The following FRMD1 variants were observed in gnomAD, a reference collection of about 807,000 sequenced individuals.
The protein encoded by FRMD1 is FERM domain-containing protein 1.
A neutral mutation model predicts 54.9 loss-of-function variants in FRMD1; 51 were observed. The observed-to-expected ratio is 0.93, with a 90% CI of 0.74 to 1.17. The LOEUF is 1.17. FRMD1 is among the 50% of genes most tolerant of loss of function. FRMD1 has a pLI of 0.00. For missense variants in FRMD1, 729 were observed against 743.0 expected (o/e 0.98, Z 0.22); for synonymous variants, 324 against 306.4 (o/e 1.06, Z -0.60).
In FRMD1 at chr6:168,064,913, A is replaced by G; in HGVS notation, c.606T>C (p.His202=). Reference sequence around the variant, plus strand: ...AGTGTGGCTCGAAGTACCTCCCGGCATGGGCCGACTCCCGGTGCTCGCCCA... The same window carrying G: ...AGTGTGGCTCGAAGTACCTCCCGGCGTGGGCCGACTCCCGGTGCTCGCCCA... ...ADLGEHRESA[H]AGRYFEPHSY... The change falls in exon 5 of 11, where the codon CAT becomes CAC. Residue 202 remains histidine (H), a synonymous_variant. Transcript: ENST00000283309. The G allele has an allele frequency of 6.2e-7, 1 of 1,600,716 alleles. No homozygotes were observed. The highest frequency in any genetic ancestry group is 8.5e-7 in the Non-Finnish European group (1 of 1,174,294).
chr6:168,092,201 TC>T (rs1270660033), intron 1 of FRMD1, among the ~76,000 whole-genome samples: 2 of 152,246 alleles, frequency 1.3e-5, no homozygotes, highest in Non-Finnish European at 2.9e-5. Flanking sequence ...AGGATGGTCT[TC>T]CTTATTCATC....
At chr6:168,082,476 G>T (rs758282990), upstream of FRMD1, among the ~76,000 whole-genome samples, 5 of 152,200 alleles carry the variant, frequency 3.3e-5, no homozygotes, top group Admixed American at 6.5e-5. Flanking sequence ...TCCCCAGGAG[G>T]TCCCTGCTGT....
chr6:168,079,825 G>T (rs954235460), upstream of FRMD1, among the ~76,000 whole-genome samples: 3 of 152,206 alleles, frequency 2.0e-5, no homozygotes, highest in Non-Finnish European at 4.4e-5. Context: ...CAGCACGAGG[G>T]GTGGGGACAT....
chr6:168,070,985 G>C (rs1224381317), intron 2 of FRMD1, among the ~76,000 whole-genome samples: 3 of 152,194 alleles, frequency 2.0e-5, no homozygotes, highest in African/African-American at 4.8e-5. Flanking sequence ...CAGGCAGATC[G>C]GGACACACCA....
chr6:168,076,372 T>C (rs1463214027), intron 1 of FRMD1, among the ~76,000 whole-genome samples: 2 of 152,242 alleles, frequency 1.3e-5, no homozygotes, highest in East Asian at 3.8e-4. Flanking sequence ...CTGACTTCCT[T>C]ATTGATATGG....
chr6:168,066,546 A>G (rs917576335), intron 4 of FRMD1: 1 of 1,287,012 alleles, frequency 7.8e-7, no homozygotes, highest in Non-Finnish European at 9.8e-7. Flanking sequence ...AAAAAGAAGT[A>G]CCAATTTATG....
chr6:168,085,886 T>C (rs34036325), upstream of FRMD1, among the ~76,000 whole-genome samples: 9 of 151,908 alleles, frequency 5.9e-5, no homozygotes, highest in East Asian at 1.5e-3. Context: ...GCCCGTGTGG[T>C]CCCTCGGCAC....
chr6:168,058,328 TTC>T (rs577190916), intron 10 of FRMD1, among the ~76,000 whole-genome samples: 4 of 118,252 alleles, frequency 3.4e-5, no homozygotes, highest in Non-Finnish European at 7.6e-5. Context: ...CCCAGCCCTG[TTC>T]TCTCTCTCCA....
intron 8 of FRMD1, among the ~76,000 whole-genome samples, chr6:168,061,271 C>T (rs912325294): frequency 3.5e-5 from 5 of 142,882 alleles, no homozygotes; most frequent in Admixed American, 7.0e-5. Flanking sequence ...CTGTGGTAAA[C>T]GCTGAGGCGA....
upstream of FRMD1, among the ~76,000 whole-genome samples, chr6:168,080,956 A>T (rs566884296): frequency 1.6e-4 from 24 of 152,188 alleles, no homozygotes; most frequent in South Asian, 5.0e-3. Flanking sequence ...CATTAGTGAG[A>T]AGAAAAGGAA....
chr6:168,064,752 G>A, intron 5 of FRMD1, 119 bp downstream of exon 5: 2 of 1,456,502 alleles, frequency 1.4e-6, no homozygotes, highest in Non-Finnish European at 1.8e-6. Flanking sequence ...TTCCATCCCT[G>A]ACCCTTGCTC....
chr6:168,067,460 A>G lies in FRMD1; in HGVS notation c.305-14T>C. 1 of 1,551,406 alleles carries G rather than the reference A, an allele frequency of 6.4e-7. No individual in the cohort carries two copies. The highest frequency in any genetic ancestry group is 8.9e-7 in the Non-Finnish European group (1 of 1,127,390). On this transcript the variant is annotated splice_polypyrimidine_tract_variant and intron_variant, in intron 2 of 10. Transcript: ENST00000283309. ...TATACTCATTGTCTGAAAGCAAAAC[A>G]AAAGGCTTCATCAGAGCAGTCACCA...
chr6:168,059,442 C>T lies in FRMD1; in HGVS notation c.1343-254G>A, dbSNP rs1052601269. 6.6e-6 allele frequency among the ~76,000 whole-genome samples: 1 copy of T among 152,228 alleles called. No individual in the cohort carries two copies. The highest frequency in any genetic ancestry group is 2.4e-5 in the African/African-American group (1 of 41,458). ...GGTTACAGGCCACAGAGCTTGCATA[C>T]ATCCTCAGAGATGGAGGCCAACCAT... On this transcript the variant is annotated intron_variant, in intron 9 of 10. Coordinates refer to ENST00000283309, the MANE Select transcript of FRMD1 (RefSeq NM_024919.6). The surrounding 1 kb of genome is among the most constrained non-coding windows in gnomAD (Gnocchi z 4.4).
In FRMD1 at chr6:168,063,718, G is replaced by T; in HGVS notation, c.687C>A (p.His229Gln). ...GGCGCTCACGGTGCAGGGTAGGCAT[G>T]TGCCGGAGGATGTAGTCAATCCCCC... ...TKRGIDYILRHMPTLHRERQG... is the reference protein window; with the variant it reads ...TKRGIDYILRQMPTLHRERQG... Residue 229 changes from histidine to glutamine, a missense_variant, in exon 6 of 11, where the codon CAC (histidine) becomes CAA (glutamine). Transcript: ENST00000283309. 4.3e-6 allele frequency: 7 copies of T among 1,613,616 alleles called. 1 individual carries two copies. In the South Asian group the frequency reaches 7.7e-5, roughly 18 times the overall value.
At chr6:168,071,256 A>G (rs1800293043) in intron 2 of FRMD1, among the ~76,000 whole-genome samples, 1 of 152,218 alleles carries the variant, frequency 6.6e-6, no homozygotes, top group Non-Finnish European at 1.5e-5. Context: ...CCCAAATCAC[A>G]TCTCTTGTTT....
At chr6:168,071,798 G>A (rs1281816016) in intron 2 of FRMD1, among the ~76,000 whole-genome samples, 1 of 152,210 alleles carries the variant, frequency 6.6e-6, no homozygotes, top group Non-Finnish European at 1.5e-5. Context: ...GCACCTGCCT[G>A]GCCGCCAGTG....
At chr6:168,058,987 C>A in intron 10 of FRMD1, 137 bp downstream of exon 10, 2 of 665,024 alleles carry the variant, frequency 3.0e-6, no homozygotes, top group South Asian at 3.9e-5. Context: ...CCTGACTTGC[C>A]CGCTGCGTCT....
chr6:168,063,311 C>A (rs1799853192), intron 6 of FRMD1, among the ~76,000 whole-genome samples: 1 of 150,854 alleles, frequency 6.6e-6, no homozygotes, highest in Non-Finnish European at 1.5e-5. Context: ...CATCCCTGCC[C>A]CGGGGTCCTG....
At chr6:168,083,575 G>A (rs1203109721), upstream of FRMD1, among the ~76,000 whole-genome samples, 1 of 152,242 alleles carries the variant, frequency 6.6e-6, no homozygotes, top group Non-Finnish European at 1.5e-5. Context: ...ACACTCCATG[G>A]GAGGAGGGCG....
Sources: gnomAD v4.1 joint callset for allele counts (sites outside exome capture counted in the v4.1 genomes callset) on GRCh38, gnomAD v4.1.1 for gene constraint, Gnocchi (gnomAD v3.1) non-coding constraint, MANE v1.5 for transcripts, NCBI Gene and HGNC (gene_info 2026-07-23, HGNC 2026-07-21) for gene names.